The following CDH26 variants were observed in gnomAD, a reference collection of about 807,000 sequenced individuals.
CDH26 encodes cadherin 26.
CDH26 carries 83 observed loss-of-function variants against 90.3 expected under a neutral mutation model. The observed-to-expected ratio is 0.92, with a 90% CI of 0.77 to 1.10. CDH26 has a LOEUF of 1.10. Among genes scored for constraint, CDH26 ranks in the 50% least tolerant of loss-of-function variants. CDH26 has a pLI of 0.00. For missense variants in CDH26, 1,013 were observed against 1,037.6 expected, an observed-to-expected ratio of 0.98 and a Z score of 0.33; for synonymous variants, 397 against 396.3, an observed-to-expected ratio of 1.00 and a Z score of -0.02.
At chr20:59,970,013 G>A (rs1010968627) in intron 2 of CDH26, 69 bp from the exon 3 acceptor site, 2 of 1,568,014 alleles carry the variant, frequency 1.3e-6, no homozygotes, top group African/African-American at 1.4e-5. Context: ...ATGAAGTAAG[G>A]GTGTGATAAA....
At chr20:59,976,464 A>T (rs921705995) in intron 4 of CDH26, among the ~76,000 whole-genome samples, 4 of 152,240 alleles carry the variant, frequency 2.6e-5, no homozygotes, top group Admixed American at 2.0e-4. Context: ...AATGAAATAT[A>T]AAATAATAAA....
At chr20:60,025,434 G>A (rs1166294527) in intron 7 of CDH26, among the ~76,000 whole-genome samples, 2 of 152,244 alleles carry the variant, frequency 1.3e-5, no homozygotes, top group Non-Finnish European at 2.9e-5. Context: ...ACTGCCCCAT[G>A]GCATATCCTT....
intron 4 of CDH26, among the ~76,000 whole-genome samples, chr20:59,973,869 C>T (rs539152837): frequency 6.6e-6 from 1 of 152,298 alleles, no homozygotes; most frequent in African/African-American, 2.4e-5. Context: ...ATGCATATGT[C>T]TTTATGATAG....
chr20:60,000,285 G>C (rs937335270), intron 14 of CDH26, among the ~76,000 whole-genome samples: 1 of 152,210 alleles, frequency 6.6e-6, no homozygotes, highest in Non-Finnish European at 1.5e-5. Flanking sequence ...GTGCAAATCA[G>C]TGTTATTTAA....
intron 1 of CDH26, among the ~76,000 whole-genome samples, chr20:59,960,689 C>A (rs1226155838): frequency 6.6e-6 from 1 of 151,962 alleles, no homozygotes; most frequent in Non-Finnish European, 1.5e-5. Flanking sequence ...CTCATTTTTT[C>A]CTTTGAAAAC....
intron 16 of CDH26, among the ~76,000 whole-genome samples, chr20:60,005,927 C>T (rs1397875332): frequency 6.6e-6 from 1 of 152,210 alleles, no homozygotes; most frequent in Non-Finnish European, 1.5e-5. Context: ...AGCCACAGAA[C>T]ACGCCAAGTT....
At chr20:59,969,143 A>G in intron 2 of CDH26, 120 bp downstream of exon 2, 1 of 637,722 alleles carries the variant, frequency 1.6e-6, no homozygotes, top group Non-Finnish European at 2.9e-6. Context: ...AGAAAATAAA[A>G]TAGTAACTTC....
chr20:59,975,038 T>C (rs776717702), intron 4 of CDH26, among the ~76,000 whole-genome samples: 4 of 151,962 alleles, frequency 2.6e-5, no homozygotes, highest in African/African-American at 7.3e-5. Context: ...CTTAATCATG[T>C]TAGATGAAGG....
In CDH26 at chr20:59,994,307, A is replaced by T; in HGVS notation, c.1484A>T (p.Asp495Val). Residue 495 changes from aspartate (D) to valine (V), a missense_variant, in exon 11 of 18, where the codon GAC becomes GTC. Asp to Val is a radical substitution (Grantham distance 152). Transcript: ENST00000348616. ...ATGCTCTTCCTGTCTGACATCAATG[A>T]CAACGTCCCGACTCTCCGGCCACGT... ...TLMLFLSDINDNVPTLRPRSR... is the reference protein window; with the variant it reads ...TLMLFLSDINVNVPTLRPRSR... 3.1e-6 allele frequency: 5 copies of T among 1,613,646 alleles called. No individual in the cohort carries two copies. Among genetic ancestry groups the T allele is most frequent in the Non-Finnish European group, 4.2e-6 (5 of 1,179,948 alleles).
At chr20:59,960,205 C>T (rs1287660093) in intron 1 of CDH26, among the ~76,000 whole-genome samples, 1 of 152,192 alleles carries the variant, frequency 6.6e-6, no homozygotes, top group Non-Finnish European at 1.5e-5. Flanking sequence ...TTGAGCTGAC[C>T]TGGGAGTGCA....
At chr20:60,033,260 C>T (rs2062057882) in intron 8 of CDH26, among the ~76,000 whole-genome samples, 1 of 152,324 alleles carries the variant, frequency 6.6e-6, no homozygotes, top group African/African-American at 2.4e-5. Flanking sequence ...ATTGCTATTA[C>T]TCTTACCACC....
chr20:59,975,844 GA>G (rs1424636548), intron 4 of CDH26, among the ~76,000 whole-genome samples: 1 of 152,120 alleles, frequency 6.6e-6, no homozygotes, highest in Non-Finnish European at 1.5e-5. Flanking sequence ...CCAGCCAAAA[GA>G]AAAATTGTGT....
In CDH26 at chr20:59,982,914, G is replaced by A; in HGVS notation, c.394-9G>A. The A allele has an allele frequency of 6.2e-7, 1 of 1,611,832 alleles. No homozygotes were observed. The highest frequency in any genetic ancestry group is 8.5e-7 in the Non-Finnish European group (1 of 1,178,928). Reference sequence around the variant, plus strand: ...TTCTGCAGGATTTTTACAGCTCTCTGCTTCCTAGGTTTATTTTGATGTTGT... The same window carrying A: ...TTCTGCAGGATTTTTACAGCTCTCTACTTCCTAGGTTTATTTTGATGTTGT... On this transcript the variant is annotated splice_polypyrimidine_tract_variant and intron_variant, in intron 4 of 17. Coordinates refer to ENST00000348616, the MANE Select transcript of CDH26 (RefSeq NM_177980.4).
chr20:60,004,532 C>T (rs112578563), intron 16 of CDH26, among the ~76,000 whole-genome samples: 2 of 151,926 alleles, frequency 1.3e-5, no homozygotes, highest in South Asian at 2.1e-4. Context: ...TTTGGGAGGC[C>T]GAGGCAGGCG....
intron 4 of CDH26, among the ~76,000 whole-genome samples, chr20:59,973,937 AT>A (rs1356474799): frequency 6.6e-6 from 1 of 152,176 alleles, no homozygotes; most frequent in Non-Finnish European, 1.5e-5. Context: ...GTTGAATAAT[AT>A]TTCTGTTTTT....
intron 4 of CDH26, among the ~76,000 whole-genome samples, chr20:59,977,285 T>C (rs887596418): frequency 2.1e-4 from 32 of 152,072 alleles, no homozygotes; most frequent in African/African-American, 7.7e-4. Flanking sequence ...GAGAATCCAG[T>C]GGTCTGACTG....
intron 1 of CDH26, among the ~76,000 whole-genome samples, chr20:59,964,463 C>T (rs959212186): frequency 6.6e-6 from 1 of 151,776 alleles, no homozygotes; most frequent in African/African-American, 2.4e-5. Context: ...CCCACACCAC[C>T]GCATTATAGA....
chr20:60,017,706 T>A (rs2061917256), downstream of CDH26, among the ~76,000 whole-genome samples: 1 of 152,040 alleles, frequency 6.6e-6, no homozygotes, highest in African/African-American at 2.4e-5. Flanking sequence ...AAATTGCTCA[T>A]TTGAAATATT....
chr20:59,970,182 G>A lies in CDH26; in HGVS notation c.227G>A (p.Gly76Asp). Reference sequence around the variant, plus strand: ...CCGGGACCCTTTCCCAAACTCATTGGTGAGGTAAGGTGCCTACTCTTAAGG... The same window carrying A: ...CCGGGACCCTTTCCCAAACTCATTGATGAGGTAAGGTGCCTACTCTTAAGG... ...EDPGPFPKLI[G>D]ELFNNMSYNM... The change falls in exon 3 of 18, where the codon GGT (glycine) becomes GAT (aspartate). Residue 76 changes from glycine (G) to aspartate (D), a missense_variant. By Grantham distance (94) the Gly-to-Asp change is moderately conservative. Transcript: ENST00000348616. The A allele has an allele frequency of 6.2e-7, 1 of 1,613,802 alleles. No individual in the cohort carries two copies. The highest frequency in any genetic ancestry group is 8.5e-7 in the Non-Finnish European group (1 of 1,179,856).
Sources: allele counts gnomAD v4.1 joint callset (sites outside exome capture counted in the v4.1 genomes callset), GRCh38; gene constraint gnomAD v4.1.1; transcripts MANE v1.5; gene names NCBI Gene and HGNC (gene_info 2026-07-23, HGNC 2026-07-21).